Variants in LHFPL2 observed in about 807,000 individuals in gnomAD.
LHFPL2 encodes LHFPL tetraspan subfamily member 2 protein.
LHFPL2 carries 7 observed loss-of-function variants against 17.5 expected under a neutral mutation model. That is an observed-to-expected ratio of 0.40 (90% CI 0.23 to 0.75). The LOEUF is 0.75. Ranked by LOEUF, LHFPL2 falls within the 30% of genes least tolerant of loss-of-function variation. LHFPL2 has a pLI of 0.37. For missense variants in LHFPL2, 241 were observed against 294.8 expected, an observed-to-expected ratio of 0.82 and a Z score of 1.34; for synonymous variants, 134 against 116.2, an observed-to-expected ratio of 1.15 and a Z score of -0.99.
chr5:78,522,937 G>C (rs189987544), intron 3 of LHFPL2, among the ~76,000 whole-genome samples: 90 of 152,254 alleles, frequency 5.9e-4, no homozygotes, highest in Middle Eastern at 3.4e-3. Flanking sequence ...TGTAGCTGAG[G>C]GGGGAGAAAA....
intron 2 of LHFPL2, among the ~76,000 whole-genome samples, chr5:78,594,446 T>C (rs1743758710): frequency 6.6e-6 from 1 of 152,202 alleles, no homozygotes; most frequent in Admixed American, 6.5e-5. Context: ...ACATACATAA[T>C]AGATAGAAGC....
At chr5:78,613,732 A>C (rs762686262) in intron 2 of LHFPL2, among the ~76,000 whole-genome samples, 8 of 152,338 alleles carry the variant, frequency 5.3e-5, no homozygotes, top group Non-Finnish European at 1.0e-4. Context: ...AAAGCCAGCC[A>C]GGATGATGAT....
At chr5:78,582,626 T>A (rs1743188844) in intron 2 of LHFPL2, among the ~76,000 whole-genome samples, 1 of 152,106 alleles carries the variant, frequency 6.6e-6, no homozygotes, top group Admixed American at 6.5e-5. Context: ...TGAGTTCTAG[T>A]TTGATTGCAC....
chr5:78,582,939 C>T (rs962970485), intron 2 of LHFPL2, among the ~76,000 whole-genome samples: 14 of 152,274 alleles, frequency 9.2e-5, no homozygotes, highest in Non-Finnish European at 1.5e-4. Context: ...TTGTAGGTCA[C>T]TCAGGACTTG....
At chr5:78,562,942 G>A (rs143721889) in intron 3 of LHFPL2, among the ~76,000 whole-genome samples, 7 of 152,166 alleles carry the variant, frequency 4.6e-5, no homozygotes. Context: ...ACCCACAAAG[G>A]GGGGACTAAG....
At chr5:78,631,984 T>A (rs1745269397) in intron 2 of LHFPL2, among the ~76,000 whole-genome samples, 1 of 150,566 alleles carries the variant, frequency 6.6e-6, no homozygotes, top group Non-Finnish European at 1.5e-5. Context: ...GGCTGGATCT[T>A]AAAGGAGGAA....
At chr5:78,630,648 G>A (rs552623703) in intron 2 of LHFPL2, among the ~76,000 whole-genome samples, 23 of 152,078 alleles carry the variant, frequency 1.5e-4, no homozygotes, top group African/African-American at 4.8e-4. Context: ...AAGAAACCAC[G>A]GGGAAGTGAC....
intron 2 of LHFPL2, among the ~76,000 whole-genome samples, chr5:78,622,878 T>G (rs1744906915): frequency 6.6e-6 from 1 of 152,146 alleles, no homozygotes; most frequent in Non-Finnish European, 1.5e-5. Flanking sequence ...GAGGCCTGCC[T>G]AGCTGGAGGA....
chr5:78,539,431 G>T (rs1015278450), intron 3 of LHFPL2, among the ~76,000 whole-genome samples: 6 of 152,288 alleles, frequency 3.9e-5, no homozygotes, highest in South Asian at 4.1e-4. Context: ...TGTGAAGTCG[G>T]AGGTGGCACT....
intron 3 of LHFPL2, among the ~76,000 whole-genome samples, chr5:78,513,263 C>T (rs910221150): frequency 2.6e-5 from 4 of 152,158 alleles, no homozygotes; most frequent in African/African-American, 9.7e-5. Flanking sequence ...GATGGGACAT[C>T]TGGGCTTAGC....
chr5:78,640,731 C>A (rs1037604536), intron 1 of LHFPL2, among the ~76,000 whole-genome samples: 1 of 152,164 alleles, frequency 6.6e-6, no homozygotes, highest in Non-Finnish European at 1.5e-5. Flanking sequence ...TCCTTCCAAC[C>A]CTGTTAAGCA....
Position 78,485,972 on chromosome 5 carries a change from C to T in LHFPL2, c.*2925G>A, listed in dbSNP as rs2112275351. 6.6e-6 allele frequency: 1 copy of T among 152,550 alleles called. No individual in the cohort carries two copies. Among genetic ancestry groups the T allele is most frequent in the East Asian group, 1.9e-4 (1 of 5,178 alleles). The allele number at this position is 152,550 out of a possible 1,614,324, so 9.4% of individuals were successfully genotyped here. ...AAATGTGGAACTCTCCTTGCCAAAA[C>T]AGAAACAAACATCCCTGTTTTGACT... On this transcript the variant is annotated 3_prime_UTR_variant, in exon 5 of 5. Transcript: ENST00000380345.
chr5:78,601,105 A>G (rs1180406884), intron 2 of LHFPL2, among the ~76,000 whole-genome samples: 1 of 152,226 alleles, frequency 6.6e-6, no homozygotes, highest in African/African-American at 2.4e-5. Context: ...ATCAAGTAAC[A>G]ACAGGCAGGG....
intron 2 of LHFPL2, among the ~76,000 whole-genome samples, chr5:78,603,315 G>C (rs992686256): frequency 1.5e-4 from 23 of 152,172 alleles, no homozygotes; most frequent in African/African-American, 5.5e-4. Flanking sequence ...TTATTGATTA[G>C]CCTACAGCAA....
Position 78,623,643 on chromosome 5 carries a change from C to T in LHFPL2, c.-245+8621G>A, listed in dbSNP as rs146678671. On this transcript the variant is annotated intron_variant, in intron 2 of 4. Coordinates refer to ENST00000380345, the MANE Select transcript of LHFPL2 (RefSeq NM_005779.3). ...AAGGCTCATAGCTGGGGAAGGTGGG[C>T]ACTCCCACCTCACTTTTGTTTATAC... Among the ~76,000 whole-genome samples, 347 of 152,278 alleles carry T rather than the reference C, an allele frequency of 2.3e-3. 16 individuals are homozygous for T. In the East Asian group the frequency reaches 0.06, roughly 26 times the overall value.
intron 2 of LHFPL2, chr5:78,625,627 G>A (rs1341398340): frequency 1.3e-5 from 2 of 152,182 alleles, no homozygotes; most frequent in Non-Finnish European, 2.9e-5. Flanking sequence ...CAAGTTATTT[G>A]GCAACACTTC....
At chr5:78,561,433 A>T (rs1375154332) in intron 3 of LHFPL2, among the ~76,000 whole-genome samples, 1 of 152,192 alleles carries the variant, frequency 6.6e-6, no homozygotes, top group African/African-American at 2.4e-5. Context: ...CTAGATGGGA[A>T]GAGACCTGTC....
intron 1 of LHFPL2, chr5:78,641,875 ATATT>A (rs1745670227): frequency 2.0e-5 from 3 of 150,560 alleles, no homozygotes; most frequent in South Asian, 4.2e-4. Context: ...TTTCTTAAAT[ATATT>A]TATTGTATTT....
At chr5:78,527,928 C>T (rs1417721667) in intron 3 of LHFPL2, among the ~76,000 whole-genome samples, 1 of 152,260 alleles carries the variant, frequency 6.6e-6, no homozygotes, top group Non-Finnish European at 1.5e-5. Context: ...GAGTAACATC[C>T]AATGGTCATT....
Sources: allele counts gnomAD v4.1 joint callset (sites outside exome capture counted in the v4.1 genomes callset), GRCh38; gene constraint gnomAD v4.1.1; transcripts MANE v1.5; gene names NCBI Gene and HGNC (gene_info 2026-07-23, HGNC 2026-07-21).